The following ABCC8 variants were observed in gnomAD, a reference collection of about 807,000 sequenced individuals.
ABCC8 encodes ATP binding cassette subfamily C member 8, also known as ATP-binding cassette sub-family C member 8.
A neutral mutation model predicts 188.0 loss-of-function variants in ABCC8; 137 were observed. That is an observed-to-expected ratio of 0.73 (90% CI 0.63 to 0.84). ABCC8 has a LOEUF of 0.84. Ranked by LOEUF, ABCC8 falls within the 40% of genes least tolerant of loss-of-function variation. ABCC8 has a pLI of 0.00. For synonymous variants in ABCC8, 797 were observed against 846.5 expected (o/e 0.94, Z 1.01); for missense variants, 1,750 against 2,072.7 (o/e 0.84, Z 3.02).
At chr11:17,424,608 C>T (rs767030040) in intron 16 of ABCC8, among the ~76,000 whole-genome samples, 2 of 152,174 alleles carry the variant, frequency 1.3e-5, no homozygotes, top group East Asian at 1.9e-4. Flanking sequence ...GCAAAGGGAC[C>T]AGGTTCAGAG....
At chr11:17,472,876 T>C (rs1483767161) in intron 2 of ABCC8, among the ~76,000 whole-genome samples, 1 of 152,202 alleles carries the variant, frequency 6.6e-6, no homozygotes, top group South Asian at 2.1e-4. Flanking sequence ...CACAGCCCCA[T>C]GAAGCAGGCA....
intron 18 of ABCC8, 93 bp downstream of exon 18, chr11:17,415,211 G>A (rs1443182802): frequency 5.9e-6 from 9 of 1,530,156 alleles, no homozygotes; most frequent in Non-Finnish European, 8.0e-6. Context: ...CTGGGGTCTG[G>A]GGGCTGCCCA....
At chr11:17,400,364 C>T (rs911134639) in intron 29 of ABCC8, among the ~76,000 whole-genome samples, 6 of 152,030 alleles carry the variant, frequency 3.9e-5, no homozygotes, top group African/African-American at 7.3e-5. Flanking sequence ...AGGCGCTCAG[C>T]GTATGTGGGT....
intron 10 of ABCC8, among the ~76,000 whole-genome samples, chr11:17,442,169 C>A (rs575886279): frequency 4.6e-5 from 7 of 152,320 alleles, no homozygotes; most frequent in South Asian, 2.1e-4. Context: ...TCTTTTTCTT[C>A]TTCCTTGGCT....
intron 11 of ABCC8, 144 bp from the exon 12 acceptor site, chr11:17,431,103 T>A (rs1262458228): frequency 7.6e-7 from 1 of 1,322,186 alleles, no homozygotes; most frequent in Non-Finnish European, 1.0e-6. Context: ...GACACCTTCA[T>A]CATCCCCACA....
At chr11:17,410,788 G>A in intron 21 of ABCC8, 135 bp from the exon 22 acceptor site, 1 of 1,421,306 alleles carries the variant, frequency 7.0e-7, no homozygotes, top group Non-Finnish European at 9.6e-7. Flanking sequence ...TGTGGCTTTG[G>A]ACAACTCACC....
chr11:17,423,778 C>T (rs976164453), intron 16 of ABCC8, among the ~76,000 whole-genome samples: 14 of 152,308 alleles, frequency 9.2e-5, no homozygotes, highest in East Asian at 1.9e-4. Flanking sequence ...ATGGCCACAG[C>T]GGCTGCTGGC....
At chr11:17,408,651 T>A (rs1954654955) in intron 22 of ABCC8, 134 bp from the exon 23 acceptor site, 2 of 1,406,708 alleles carry the variant, frequency 1.4e-6, no homozygotes, top group Non-Finnish European at 1.9e-6. Flanking sequence ...GCTCATCCAC[T>A]GCAAGTGGGC....
intron 2 of ABCC8, among the ~76,000 whole-genome samples, chr11:17,473,103 T>C (rs1488628881): frequency 6.6e-6 from 1 of 152,216 alleles, no homozygotes; most frequent in Non-Finnish European, 1.5e-5. Flanking sequence ...CCAGAAAGCC[T>C]GAATGACTTG....
chr11:17,402,713 G>A lies in ABCC8; in HGVS notation c.3598C>T (p.Leu1200Phe). 2 of 1,614,246 alleles carry A rather than the reference G, an allele frequency of 1.2e-6. No homozygotes were observed. The highest frequency in any genetic ancestry group is 1.7e-6 in the Non-Finnish European group (2 of 1,180,042). The change falls in exon 29 of 39, where the codon CTC becomes TTC. Residue 1200 changes from leucine to phenylalanine, a missense_variant. Coordinates refer to ENST00000389817, the MANE Select transcript of ABCC8 (RefSeq NM_000352.6). ...TCTACGGTTTCGGCAAAGTGTGAGAGAAGTGGAAGCTGGGTGGTGTCATCC... is the reference window on the plus strand; with the variant it reads ...TCTACGGTTTCGGCAAAGTGTGAGAAAAGTGGAAGCTGGGTGGTGTCATCC... ...QLDDTTQLPL[L>F]SHFAETVEGL...
chr11:17,450,308 TTCTTTCTTTCTTTCTTTCTCTCTC>T (rs1956737248), intron 7 of ABCC8, among the ~76,000 whole-genome samples: 1 of 135,226 alleles, frequency 7.4e-6, no homozygotes, highest in Non-Finnish European at 1.5e-5. Flanking sequence ...CTTTCTTTCT[TTCTTTCTTTCTTTCTTTCTCTCTC>T]TCTCTTTCCT....
At chr11:17,455,967 G>A (rs1037613503) in intron 6 of ABCC8, among the ~76,000 whole-genome samples, 10 of 150,762 alleles carry the variant, frequency 6.6e-5, no homozygotes, top group Non-Finnish European at 1.3e-4. Context: ...AAAGAAGTGG[G>A]TACTAGACTA....
intron 29 of ABCC8, among the ~76,000 whole-genome samples, chr11:17,400,527 T>TA (rs1954185010): frequency 6.6e-6 from 1 of 152,142 alleles, no homozygotes; most frequent in Non-Finnish European, 1.5e-5. Context: ...CCTGGCTGTG[T>TA]ATCAGGACTG....
intron 10 of ABCC8, among the ~76,000 whole-genome samples, chr11:17,432,851 C>T (rs1300653357): frequency 2.0e-5 from 3 of 152,168 alleles, no homozygotes; most frequent in Non-Finnish European, 4.4e-5. Context: ...GTCACAGGGA[C>T]TCCAGGAAGA....
chr11:17,422,926 C>A (rs559039604), intron 16 of ABCC8, among the ~76,000 whole-genome samples: 1 of 152,056 alleles, frequency 6.6e-6, no homozygotes, highest in Non-Finnish European at 1.5e-5. Context: ...CCCATCCCTG[C>A]CTTTTCTACT....
At chr11:17,414,411 G>A in intron 19 of ABCC8, 101 bp downstream of exon 19, 2 of 1,499,654 alleles carry the variant, frequency 1.3e-6, no homozygotes, top group Non-Finnish European at 1.9e-6. Context: ...GGAGTGAGAT[G>A]GCTGGGTGTG....
At chr11:17,426,957 G>A in intron 16 of ABCC8, 92 bp downstream of exon 16, 9 of 1,429,668 alleles carry the variant, frequency 6.3e-6, no homozygotes, top group Non-Finnish European at 8.6e-6. Flanking sequence ...ACACAGAGTG[G>A]GCCCTCCAAT....
intron 10 of ABCC8, among the ~76,000 whole-genome samples, chr11:17,432,976 G>T (rs1270202828): frequency 6.6e-6 from 1 of 152,122 alleles, no homozygotes; most frequent in African/African-American, 2.4e-5. Flanking sequence ...TATGATTTTT[G>T]TAAACTTATA....
At chr11:17,393,416 G>A (rs920888882) in intron 38 of ABCC8, among the ~76,000 whole-genome samples, 3 of 152,136 alleles carry the variant, frequency 2.0e-5, no homozygotes, top group Non-Finnish European at 4.4e-5. Flanking sequence ...GAGAAGTAAC[G>A]CCAGCCTAAC....
Sources: allele counts gnomAD v4.1 joint callset (sites outside exome capture counted in the v4.1 genomes callset), GRCh38; gene constraint gnomAD v4.1.1; transcripts MANE v1.5; gene names NCBI Gene and HGNC (gene_info 2026-07-23, HGNC 2026-07-21).